DOCK3: variants seen among roughly 807,000 people sequenced by gnomAD.
DOCK3 encodes dedicator of cytokinesis 3.
In DOCK3, 60 loss-of-function variants were observed where a neutral mutation model predicts 265.6. The ratio of observed to expected loss-of-function variants is 0.23; its 90% confidence interval spans 0.18 to 0.28. The LOEUF is 0.28. DOCK3 is among the 10% of genes least tolerant of loss of function. The probability of loss-of-function intolerance (pLI) is 1.00; values close to 1 mark genes in which losing one functional copy is unlikely to be tolerated. For missense variants in DOCK3, 1,981 were observed against 2,594.3 expected (o/e 0.76, Z 5.14); for synonymous variants, 881 against 938.0 (o/e 0.94, Z 1.11).
chr3:51,293,546 T>C (rs763347346), intron 27 of DOCK3, among the ~76,000 whole-genome samples: 5 of 152,202 alleles, frequency 3.3e-5, no homozygotes, highest in Non-Finnish European at 5.9e-5. Context: ...CCTATGATGT[T>C]GATCTAGGTA....
chr3:51,325,446 AT>A lies in DOCK3; in HGVS notation c.3403-4687del, dbSNP rs1293014012. Among the ~76,000 whole-genome samples, 3 of 152,290 alleles carry A rather than the reference AT, an allele frequency of 2.0e-5. No individual in the cohort carries two copies. In the East Asian group the frequency reaches 5.8e-4, roughly 29 times the overall value. ...GGAGAGGATGTGGAGAAATAGGAACATTTTTACACTGTTCGTGGGAGTGTAA... is the reference window on the plus strand; with the variant it reads ...GGAGAGGATGTGGAGAAATAGGAACATTTTACACTGTTCGTGGGAGTGTAA... On this transcript the variant is annotated intron_variant, in intron 32 of 52. Coordinates refer to ENST00000266037, the MANE Select transcript of DOCK3 (RefSeq NM_004947.5).
intron 2 of DOCK3, among the ~76,000 whole-genome samples, chr3:50,791,010 G>C (rs2042448038): frequency 6.6e-6 from 1 of 151,888 alleles, no homozygotes; most frequent in Non-Finnish European, 1.5e-5. Context: ...GACGATATTA[G>C]ACCTTTGTCA....
chr3:50,760,428 G>A (rs1427280822), intron 1 of DOCK3, among the ~76,000 whole-genome samples: 1 of 152,116 alleles, frequency 6.6e-6, no homozygotes, highest in Non-Finnish European at 1.5e-5. Context: ...GATGTGAATT[G>A]AGTAGAAATC....
chr3:50,729,504 G>T (rs2038058120), intron 1 of DOCK3, among the ~76,000 whole-genome samples: 1 of 151,816 alleles, frequency 6.6e-6, no homozygotes, highest in South Asian at 2.1e-4. Context: ...TCGTCATCTA[G>T]CATTAGGTAT....
chr3:51,218,536 GGCTCTCTTTCTTT>G (rs1161016021), intron 14 of DOCK3, among the ~76,000 whole-genome samples: 1 of 152,154 alleles, frequency 6.6e-6, no homozygotes, highest in Non-Finnish European at 1.5e-5. Context: ...CACTTGCCAT[GGCTCTCTTTCTTT>G]GCTTTCCTGG....
intron 22 of DOCK3, among the ~76,000 whole-genome samples, chr3:51,248,147 T>A (rs2078927235): frequency 6.6e-6 from 1 of 152,286 alleles, no homozygotes; most frequent in African/African-American, 2.4e-5. Context: ...AGTACTTTCA[T>A]TCAAGTGGGG....
At chr3:51,259,366 G>A (rs978829918) in intron 22 of DOCK3, among the ~76,000 whole-genome samples, 5 of 152,046 alleles carry the variant, frequency 3.3e-5, no homozygotes, top group African/African-American at 7.2e-5. Context: ...ATTATTTCTG[G>A]CTTTTCAGTG....
chr3:50,841,575 A>C, intron 2 of DOCK3, 100 bp from the exon 3 acceptor site: 1 of 424,538 alleles, frequency 2.4e-6, no homozygotes, highest in Admixed American at 4.0e-5. Context: ...GGGTGTTTTA[A>C]GGAAAGATGT....
At chr3:51,259,141 G>A (rs2079714613) in intron 22 of DOCK3, among the ~76,000 whole-genome samples, 1 of 152,150 alleles carries the variant, frequency 6.6e-6, no homozygotes, top group African/African-American at 2.4e-5. Flanking sequence ...TCCTTCTACA[G>A]AATCATCTGG....
chr3:51,377,658 A>C (rs1310003121), intron 51 of DOCK3, among the ~76,000 whole-genome samples: 2 of 152,244 alleles, frequency 1.3e-5, no homozygotes, highest in Non-Finnish European at 1.5e-5. Context: ...GCAAAGGTCT[A>C]CTGGCCCCAC....
At chr3:50,755,364 A>G (rs1247604790) in intron 1 of DOCK3, among the ~76,000 whole-genome samples, 1 of 152,200 alleles carries the variant, frequency 6.6e-6, no homozygotes, top group Non-Finnish European at 1.5e-5. Context: ...TTTCTGCTCC[A>G]TGTATAGTAT....
chr3:51,068,726 C>T (rs562271255), intron 6 of DOCK3, among the ~76,000 whole-genome samples: 52 of 152,146 alleles, frequency 3.4e-4, no homozygotes, highest in Admixed American at 6.5e-4. Context: ...TATGCAGAAC[C>T]TTATCATCTA....
chr3:50,820,639 G>A (rs1218981748), intron 2 of DOCK3, among the ~76,000 whole-genome samples: 2 of 152,138 alleles, frequency 1.3e-5, no homozygotes. Context: ...AAACATGCAA[G>A]TACGTGTGTC....
At chr3:50,994,889 A>G (rs925339007) in intron 5 of DOCK3, among the ~76,000 whole-genome samples, 1 of 152,180 alleles carries the variant, frequency 6.6e-6, no homozygotes, top group Non-Finnish European at 1.5e-5. Context: ...TGTTATCATC[A>G]TTGTTGTATA....
chr3:50,856,814 GGGTTTGTCATCTAT>G (rs2046623833), intron 3 of DOCK3, among the ~76,000 whole-genome samples: 2 of 152,164 alleles, frequency 1.3e-5, no homozygotes, highest in African/African-American at 4.8e-5. Context: ...TGTTGGCTGT[GGGTTTGTCATCTAT>G]GGCTCTTATT....
At chr3:51,093,330 A>G (rs2109606080) in intron 9 of DOCK3, among the ~76,000 whole-genome samples, 1 of 152,190 alleles carries the variant, frequency 6.6e-6, no homozygotes, top group South Asian at 2.1e-4. Context: ...ATGTTTTTCC[A>G]TTTGTTTGTG....
chr3:51,362,672 G>A lies in DOCK3; in HGVS notation c.5291G>A (p.Arg1764Gln), dbSNP rs375984390. Reference sequence around the variant, plus strand: ...ATTACCTCTGCCCCTTCCAGTGCCCGAGGTAAGGATGGCAGGGTGCTACTT... The same window carrying A: ...ATTACCTCTGCCCCTTCCAGTGCCCAAGGTAAGGATGGCAGGGTGCTACTT... Reference protein sequence around the residue: ...QMITSAPSSARGSPSLPDKYR... With the variant: ...QMITSAPSSAQGSPSLPDKYR... The change falls in exon 49 of 53, where the codon CGA (arginine) becomes CAA (glutamine). Residue 1764 changes from arginine (R) to glutamine (Q), a missense_variant and splice_region_variant. Arg to Gln is a conservative substitution (Grantham distance 43). This residue lies in a region of DOCK3 where 1,357 missense variants were observed against 1,866.8 expected (regional missense o/e 0.73). Transcript: ENST00000266037. 1.2e-5 allele frequency: 20 copies of A among 1,612,782 alleles called. No homozygotes were observed. Among genetic ancestry groups the A allele is most frequent in the Non-Finnish European group, 1.7e-5 (20 of 1,179,492 alleles).
chr3:50,860,116 G>T (rs981130151), intron 3 of DOCK3, among the ~76,000 whole-genome samples: 1 of 152,170 alleles, frequency 6.6e-6, no homozygotes, highest in Non-Finnish European at 1.5e-5. Flanking sequence ...GGTTTGTACT[G>T]TGGGCCCAAG....
chr3:51,294,001 T>C (rs2081934307), intron 27 of DOCK3, among the ~76,000 whole-genome samples: 1 of 152,210 alleles, frequency 6.6e-6, no homozygotes, highest in African/African-American at 2.4e-5. Flanking sequence ...GTTAGTGATA[T>C]TGTAAATACA....
Sources: allele counts gnomAD v4.1 joint callset (sites outside exome capture counted in the v4.1 genomes callset), GRCh38; gene constraint gnomAD v4.1.1; regional missense constraint gnomAD v4.1.1; transcripts MANE v1.5; gene names NCBI Gene and HGNC (gene_info 2026-07-23, HGNC 2026-07-21).